The following PLPPR1 variants were observed in gnomAD, a reference collection of about 807,000 sequenced individuals.
PLPPR1 encodes phospholipid phosphatase related 1.
PLPPR1 carries 10 observed loss-of-function variants against 33.1 expected under a neutral mutation model. The ratio of observed to expected loss-of-function variants is 0.30; its 90% confidence interval spans 0.19 to 0.51. PLPPR1 has a LOEUF of 0.51. Among genes scored for constraint, PLPPR1 ranks in the 20% least tolerant of loss-of-function variants. The probability of loss-of-function intolerance (pLI) is 0.97; values close to 1 mark genes in which losing one functional copy is unlikely to be tolerated. For missense variants in PLPPR1, 304 were observed against 408.1 expected (o/e 0.74, Z 2.20); for synonymous variants, 151 against 151.0 (o/e 1.00, Z 0.00).
At chr9:101,172,099 C>A (rs1368984857) in intron 1 of PLPPR1, among the ~76,000 whole-genome samples, 1 of 152,084 alleles carries the variant, frequency 6.6e-6, no homozygotes, top group Non-Finnish European at 1.5e-5. Flanking sequence ...TTATTGTGAA[C>A]CAACCTAATT....
chr9:101,287,137 T>G (rs771421960), intron 4 of PLPPR1, among the ~76,000 whole-genome samples: 4 of 152,028 alleles, frequency 2.6e-5, no homozygotes, highest in Non-Finnish European at 4.4e-5. Flanking sequence ...CTGGTTGGAG[T>G]GGAAATGAAA....
intron 7 of PLPPR1, among the ~76,000 whole-genome samples, chr9:101,323,388 G>A (rs148497708): frequency 5.9e-5 from 9 of 151,284 alleles, no homozygotes; most frequent in African/African-American, 1.9e-4. Flanking sequence ...CTACCTACTC[G>A]GGAAGCTGAG....
At chr9:101,288,748 G>T (rs1056661513) in intron 4 of PLPPR1, among the ~76,000 whole-genome samples, 3 of 152,212 alleles carry the variant, frequency 2.0e-5, no homozygotes, top group Middle Eastern at 3.4e-3. Flanking sequence ...GATTAAGTCT[G>T]ATTATTTGTG....
At chr9:101,193,418 A>G (rs1410448808) in intron 2 of PLPPR1, among the ~76,000 whole-genome samples, 1 of 152,204 alleles carries the variant, frequency 6.6e-6, no homozygotes, top group African/African-American at 2.4e-5. Flanking sequence ...TCATAAGTAT[A>G]AGATATACAG....
At chr9:101,199,127 C>T (rs1826449383) in intron 2 of PLPPR1, among the ~76,000 whole-genome samples, 1 of 152,160 alleles carries the variant, frequency 6.6e-6, no homozygotes, top group African/African-American at 2.4e-5. Context: ...CACAGGGGAA[C>T]AAGTGTCATG....
At chr9:101,097,974 C>G (rs2993802) in intron 1 of PLPPR1, among the ~76,000 whole-genome samples, 106,735 of 152,000 alleles carry the variant, frequency 0.7, 37,624 homozygotes, top group East Asian at 0.89. Flanking sequence ...GTTCATGAGA[C>G]ATCAGGTCAC....
chr9:101,154,096 G>C (rs1392014934), intron 1 of PLPPR1, among the ~76,000 whole-genome samples: 1 of 152,104 alleles, frequency 6.6e-6, no homozygotes, highest in African/African-American at 2.4e-5. Flanking sequence ...TTGATGTGCT[G>C]CTGGATTTGG....
intron 4 of PLPPR1, among the ~76,000 whole-genome samples, chr9:101,297,217 A>T (rs1828663316): frequency 6.6e-6 from 1 of 151,562 alleles, no homozygotes; most frequent in Admixed American, 6.6e-5. Flanking sequence ...AGAACTAAAG[A>T]TAATTTTTTT....
chr9:101,063,966 A>G (rs570858474), intron 1 of PLPPR1, among the ~76,000 whole-genome samples: 389 of 152,236 alleles, frequency 2.6e-3, no homozygotes, highest in African/African-American at 9.0e-3. Context: ...ACAGTGCTTG[A>G]CATATAGTAG....
chr9:101,198,212 C>G (rs957297988), intron 2 of PLPPR1, among the ~76,000 whole-genome samples: 4 of 152,170 alleles, frequency 2.6e-5, no homozygotes, highest in African/African-American at 9.7e-5. Context: ...GCATGTACAT[C>G]AGTAAACAAT....
chr9:101,101,608 G>T (rs2118554259), intron 1 of PLPPR1, among the ~76,000 whole-genome samples: 1 of 151,704 alleles, frequency 6.6e-6, no homozygotes, highest in East Asian at 1.9e-4. Context: ...TGGAATATAT[G>T]GTCATCCACT....
At chr9:101,156,180 T>C (rs112073225) in intron 1 of PLPPR1, among the ~76,000 whole-genome samples, 5 of 152,152 alleles carry the variant, frequency 3.3e-5, no homozygotes, top group Non-Finnish European at 7.3e-5. Context: ...AGTAGTAGAC[T>C]GTATACCACT....
chr9:101,291,070 T>G (rs1027169451), intron 4 of PLPPR1, among the ~76,000 whole-genome samples: 7 of 152,172 alleles, frequency 4.6e-5, no homozygotes, highest in African/African-American at 1.7e-4. Flanking sequence ...GAAAATCGGG[T>G]CACTCCCACC....
intron 2 of PLPPR1, among the ~76,000 whole-genome samples, chr9:101,260,985 G>A (rs959010339): frequency 6.6e-6 from 1 of 152,148 alleles, no homozygotes; most frequent in Admixed American, 6.6e-5. Context: ...AAAAAGCACT[G>A]AAAAGGAAGA....
In PLPPR1 at chr9:101,066,183, A is replaced by T. The variant is rs188157889; in HGVS notation, c.-46+37081A>T. The stretch of plus-strand genomic sequence containing the variant: ...CAGATATTTCATATAATGTTTTTCA[A>T]TTTGGGTTTGTCTGATATTTTCTCA... On this transcript the variant is annotated intron_variant, in intron 1 of 7. Transcript: ENST00000374874. Among the ~76,000 whole-genome samples, 8 of 152,044 alleles carry T rather than the reference A, an allele frequency of 5.3e-5. 1 individual carries two copies. The highest frequency in any genetic ancestry group is 2.6e-4 in the Admixed American group (4 of 15,240).
chr9:101,097,199 G>A (rs1019645909), intron 1 of PLPPR1, among the ~76,000 whole-genome samples: 1 of 152,152 alleles, frequency 6.6e-6, no homozygotes, highest in African/African-American at 2.4e-5. Flanking sequence ...TTCTGATTCA[G>A]CAGATTAAGG....
intron 1 of PLPPR1, among the ~76,000 whole-genome samples, chr9:101,091,718 C>A (rs750713566): frequency 6.6e-6 from 1 of 152,204 alleles, no homozygotes; most frequent in African/African-American, 2.4e-5. Flanking sequence ...TCTGGGGATT[C>A]GTCCAGGGAC....
intron 1 of PLPPR1, among the ~76,000 whole-genome samples, chr9:101,044,951 A>C (rs535962515): frequency 6.6e-6 from 1 of 152,346 alleles, no homozygotes; most frequent in Admixed American, 6.5e-5. Flanking sequence ...GAGATTACCC[A>C]GAGGAGTTAA....
At chr9:101,158,381 G>A (rs1250344260) in intron 1 of PLPPR1, among the ~76,000 whole-genome samples, 1 of 152,120 alleles carries the variant, frequency 6.6e-6, no homozygotes, top group Non-Finnish European at 1.5e-5. Flanking sequence ...GAGATGGAAG[G>A]TGATAGGACC....
Sources: allele counts gnomAD v4.1 joint callset (sites outside exome capture counted in the v4.1 genomes callset), GRCh38; gene constraint gnomAD v4.1.1; transcripts MANE v1.5; gene names NCBI Gene and HGNC (gene_info 2026-07-23, HGNC 2026-07-21).